The following GPAT3 variants were observed in gnomAD, a reference collection of about 807,000 sequenced individuals.
GPAT3 encodes 1-AGP acyltransferase 9.
Under a neutral mutation model 58.8 loss-of-function variants are expected in GPAT3, and 53 were observed. That is an observed-to-expected ratio of 0.90 (90% CI 0.72 to 1.13). The LOEUF (loss-of-function observed/expected upper bound fraction) is 1.13. GPAT3 is among the 50% of genes most tolerant of loss of function. The pLI, the probability that GPAT3 is intolerant of heterozygous loss-of-function variation, is 0.00. For synonymous variants in GPAT3, 197 were observed against 187.4 expected (o/e 1.05, Z -0.42); for missense variants, 511 against 527.6 (o/e 0.97, Z 0.31).
chr4:83,551,582 A>G (rs1010508255), intron 2 of GPAT3, among the ~76,000 whole-genome samples: 1 of 151,914 alleles, frequency 6.6e-6, no homozygotes, highest in African/African-American at 2.4e-5. Flanking sequence ...TCACGAGGTC[A>G]AGAAATCGAG....
intron 2 of GPAT3, among the ~76,000 whole-genome samples, chr4:83,578,039 G>A (rs1397213594): frequency 6.6e-6 from 1 of 152,026 alleles, no homozygotes; most frequent in Non-Finnish European, 1.5e-5. Context: ...GACCTCAAGT[G>A]AACTGCCCAC....
At chr4:83,593,432 C>A (rs1726687758) in intron 6 of GPAT3, among the ~76,000 whole-genome samples, 1 of 151,944 alleles carries the variant, frequency 6.6e-6, no homozygotes, top group Non-Finnish European at 1.5e-5. Context: ...TCCCAAAGTG[C>A]TGGGAATACA....
intron 2 of GPAT3, among the ~76,000 whole-genome samples, chr4:83,573,835 C>T (rs1477050025): frequency 6.6e-6 from 1 of 152,162 alleles, no homozygotes; most frequent in African/African-American, 2.4e-5. Flanking sequence ...CAACTTCATG[C>T]ATTTTCTAAA....
At chr4:83,538,421 C>T (rs1289649060) in intron 1 of GPAT3, among the ~76,000 whole-genome samples, 1 of 152,178 alleles carries the variant, frequency 6.6e-6, no homozygotes, top group East Asian at 1.9e-4. Flanking sequence ...TGACTGCTTC[C>T]TAATGTGAGA....
intron 2 of GPAT3, among the ~76,000 whole-genome samples, chr4:83,566,624 T>A (rs1725399517): frequency 1.3e-5 from 2 of 151,580 alleles, no homozygotes. Flanking sequence ...GATTCAGCTT[T>A]CTATGATACA....
intron 2 of GPAT3, among the ~76,000 whole-genome samples, chr4:83,565,926 G>A (rs967444686): frequency 6.6e-6 from 1 of 152,174 alleles, no homozygotes; most frequent in Non-Finnish European, 1.5e-5. Flanking sequence ...GAGTTTCCTC[G>A]AGCAAAGGCG....
At chr4:83,550,446 C>T (rs1724712448) in intron 2 of GPAT3, among the ~76,000 whole-genome samples, 1 of 152,084 alleles carries the variant, frequency 6.6e-6, no homozygotes, top group Non-Finnish European at 1.5e-5. Context: ...TTCAGACATA[C>T]ACAAAAGTAG....
intron 5 of GPAT3, 81 bp from the exon 6 acceptor site, chr4:83,590,118 A>G: frequency 7.7e-7 from 1 of 1,304,680 alleles, no homozygotes; most frequent in Admixed American, 1.9e-5. Flanking sequence ...ACACACACAC[A>G]CACTTAAAAA....
At chr4:83,596,980 A>G in intron 8 of GPAT3, 67 bp downstream of exon 8, 1 of 1,457,168 alleles carries the variant, frequency 6.9e-7, no homozygotes, top group Non-Finnish European at 9.5e-7. Flanking sequence ...TGTGAGGAAT[A>G]GAATTGCCAT....
chr4:83,602,513 T>TTATGATC (rs1464197947), intron 11 of GPAT3, among the ~76,000 whole-genome samples: 1 of 152,002 alleles, frequency 6.6e-6, no homozygotes, highest in African/African-American at 2.4e-5. Context: ...AAATATAATT[T>TTATGATC]TATGATCTTA....
intron 2 of GPAT3, among the ~76,000 whole-genome samples, chr4:83,554,428 C>T (rs1724876196): frequency 1.3e-5 from 2 of 152,150 alleles, no homozygotes; most frequent in Admixed American, 6.6e-5. Context: ...CTCTTTATCC[C>T]CCAGAGAAAA....
intron 2 of GPAT3, among the ~76,000 whole-genome samples, chr4:83,555,531 T>A (rs1302408294): frequency 1.3e-5 from 2 of 152,220 alleles, no homozygotes; most frequent in African/African-American, 2.4e-5. Context: ...GAACAGAGGC[T>A]TCTGTGCTAG....
Position 83,578,948 on chromosome 4 carries a change from T to TCTTTCTTTCTTTCTTTCTTGCTTTC in GPAT3, c.209-2614_209-2613insCTTTCTTTCTTTCTTTCTTGCTTTC, listed in dbSNP as rs11392342. 5.8e-4 allele frequency among the ~76,000 whole-genome samples: 42 copies of TCTTTCTTTCTTTCTTTCTTGCTTTC among 71,868 alleles called. 2 individuals are homozygous for TCTTTCTTTCTTTCTTTCTTGCTTTC. Among genetic ancestry groups the TCTTTCTTTCTTTCTTTCTTGCTTTC allele is most frequent in the African/African-American group, 2.2e-3 (39 of 17,880 alleles). 47.1% of individuals were successfully genotyped at this position (71,868 alleles called of 152,430 possible). A position where few individuals can be genotyped will look rare whatever the true frequency, so the allele number is the denominator to read the frequency against. On this transcript the variant is annotated intron_variant, in intron 2 of 11. Coordinates refer to ENST00000264409, the MANE Select transcript of GPAT3 (RefSeq NM_032717.5). ...TTCTTTCTTTCTTTCTTTTCTTTTC[T>TCTTTCTTTCTTTCTTTCTTGCTTTC]TTTCTTTCTTTCTTTCTTTCTTTCT...
At chr4:83,588,355 G>A in intron 5 of GPAT3, 56 bp downstream of exon 5, 1 of 1,530,474 alleles carries the variant, frequency 6.5e-7, no homozygotes. Flanking sequence ...GCATGAGATT[G>A]ACAAGGAAGC....
At chr4:83,542,535 C>T (rs1394851879) in intron 1 of GPAT3, among the ~76,000 whole-genome samples, 3 of 152,186 alleles carry the variant, frequency 2.0e-5, no homozygotes, top group Non-Finnish European at 4.4e-5. Flanking sequence ...TGAAGGGGTC[C>T]TGACGTAGTC....
rs183551655 is a variant in GPAT3 at position 83,584,453 on chromosome 4, C to T, written c.479+2621C>T. Among the ~76,000 whole-genome samples the T allele has an allele frequency of 5.3e-3, 811 of 152,276 alleles. 4 individuals carry two copies. The highest frequency in any genetic ancestry group is 0.017 in the Middle Eastern group (5 of 294). ...TCAAAAACCAGATTGTATTAAGATACAATGTGGTGATGGTTGCACAACTCT... is the reference window on the plus strand; with the variant it reads ...TCAAAAACCAGATTGTATTAAGATATAATGTGGTGATGGTTGCACAACTCT... On this transcript the variant is annotated intron_variant, in intron 3 of 11. Coordinates refer to ENST00000264409, the MANE Select transcript of GPAT3 (RefSeq NM_032717.5).
intron 2 of GPAT3, among the ~76,000 whole-genome samples, chr4:83,559,605 G>A (rs1337636835): frequency 1.3e-5 from 2 of 152,140 alleles, no homozygotes; most frequent in Non-Finnish European, 2.9e-5. Flanking sequence ...TCGCAAGCGT[G>A]AGCCAGTGCA....
In GPAT3 at chr4:83,588,254, G is replaced by A. The variant is rs768549671; in HGVS notation, c.599G>A (p.Arg200Gln). Residue 200 changes from arginine (R) to glutamine (Q), a missense_variant, in exon 5 of 12, where the codon CGG becomes CAG. Transcript: ENST00000264409. ...GAACTGGTCCATCTGACTTGCTGCC[G>A]GATCTGTGTGCGAGCCCTCTCTGGT... is the stretch of plus-strand genomic sequence containing the variant. ...LSELVHLTCC[R>Q]ICVRALSGTI... 78 of 1,613,774 alleles carry A rather than the reference G, an allele frequency of 4.8e-5. No individual in the cohort carries two copies. The highest frequency in any genetic ancestry group is 6.7e-5 in the Admixed American group (4 of 59,968).
intron 2 of GPAT3, among the ~76,000 whole-genome samples, chr4:83,580,654 T>C (rs548995520): frequency 6.6e-6 from 1 of 152,334 alleles, no homozygotes; most frequent in African/African-American, 2.4e-5. Flanking sequence ...GCTGATTTGA[T>C]ACTGTAAATA....
Sources: allele counts gnomAD v4.1 joint callset (sites outside exome capture counted in the v4.1 genomes callset), GRCh38; gene constraint gnomAD v4.1.1; transcripts MANE v1.5; gene names NCBI Gene and HGNC (gene_info 2026-07-23, HGNC 2026-07-21).